EIF4G3: variants seen among roughly 807,000 people sequenced by gnomAD.
EIF4G3 encodes the protein eukaryotic translation initiation factor 4 gamma 3.
Under a neutral mutation model 186.4 loss-of-function variants are expected in EIF4G3, and 34 were observed. The ratio of observed to expected loss-of-function variants is 0.18; its 90% CI spans 0.14 to 0.24. EIF4G3 has a LOEUF of 0.24. EIF4G3 is among the 10% of genes least tolerant of loss of function. EIF4G3 has a pLI of 1.00. For synonymous variants in EIF4G3, 673 were observed against 679.5 expected (o/e 0.99, Z 0.15); for missense variants, 1,536 against 1,948.5 (o/e 0.79, Z 3.99).
At chr1:21,033,660 A>G (rs2092933656) in intron 4 of EIF4G3, among the ~76,000 whole-genome samples, 2 of 152,330 alleles carry the variant, frequency 1.3e-5, no homozygotes, top group South Asian at 4.1e-4. Context: ...TGTTTTGAAA[A>G]CATACTTCAC....
chr1:21,125,775 C>T (rs924180697), intron 2 of EIF4G3, among the ~76,000 whole-genome samples: 103 of 6,490 alleles, frequency 0.016, no homozygotes, highest in Admixed American at 0.029. Context: ...TATATATACA[C>T]ACACACACAC....
At chr1:21,136,642 C>T (rs1318130089) in intron 2 of EIF4G3, among the ~76,000 whole-genome samples, 1 of 152,172 alleles carries the variant, frequency 6.6e-6, no homozygotes, top group Non-Finnish European at 1.5e-5. Flanking sequence ...CAAAGTTACC[C>T]ACACTTGTTA....
chr1:21,108,424 A>C (rs2096655795), intron 2 of EIF4G3, among the ~76,000 whole-genome samples: 1 of 152,104 alleles, frequency 6.6e-6, no homozygotes. Context: ...ATTACTAGAC[A>C]ATGGAGAAAG....
intron 34 of EIF4G3, among the ~76,000 whole-genome samples, chr1:20,814,774 TCCCC>T (rs1557738388): frequency 2.2e-4 from 4 of 18,426 alleles, no homozygotes; most frequent in South Asian, 2.7e-3. Flanking sequence ...CCCCTCCCCC[TCCCC>T]CTCCCCCTCT....
chr1:21,155,270 A>AG (rs2102862775), intron 2 of EIF4G3, among the ~76,000 whole-genome samples: 1 of 148,226 alleles, frequency 6.7e-6, no homozygotes, highest in African/African-American at 2.5e-5. Flanking sequence ...CTCAAAAAAA[A>AG]AAAAAAAAAA....
chr1:20,961,076 G>A (rs2096558388), intron 12 of EIF4G3, among the ~76,000 whole-genome samples: 2 of 152,068 alleles, frequency 1.3e-5, no homozygotes, highest in South Asian at 2.1e-4. Flanking sequence ...TGGTCTGTGT[G>A]CAAATTCCTT....
chr1:21,016,616 G>A (rs758490887), intron 4 of EIF4G3, among the ~76,000 whole-genome samples: 10 of 151,992 alleles, frequency 6.6e-5, no homozygotes, highest in East Asian at 1.9e-4. Flanking sequence ...CCATGATCGC[G>A]TCACTGCACT....
At chr1:20,888,967 T>C (rs542238849) in intron 18 of EIF4G3, among the ~76,000 whole-genome samples, 1 of 152,278 alleles carries the variant, frequency 6.6e-6, no homozygotes, top group South Asian at 2.1e-4. Context: ...CCTGGTTTCT[T>C]TCTTTGAAAG....
At chr1:20,839,319 T>G (rs973241540) in intron 30 of EIF4G3, among the ~76,000 whole-genome samples, 2 of 151,852 alleles carry the variant, frequency 1.3e-5, no homozygotes, top group African/African-American at 4.8e-5. Context: ...CACCACGTTG[T>G]TCAGGCTGGT....
At chr1:20,871,604 G>A (rs1282987827) in intron 20 of EIF4G3, among the ~76,000 whole-genome samples, 2 of 152,202 alleles carry the variant, frequency 1.3e-5, no homozygotes, top group African/African-American at 4.8e-5. Flanking sequence ...CTGTGGTCTA[G>A]AGGTTTGGAA....
At chr1:21,096,802 G>A (rs764447889) in intron 2 of EIF4G3, among the ~76,000 whole-genome samples, 1 of 152,050 alleles carries the variant, frequency 6.6e-6, no homozygotes, top group Non-Finnish European at 1.5e-5. Context: ...AGTTTTTATG[G>A]GTATAACTAT....
chr1:20,816,474 C>A (rs1343338821), intron 34 of EIF4G3, among the ~76,000 whole-genome samples: 2 of 112,212 alleles, frequency 1.8e-5, no homozygotes, highest in Admixed American at 1.6e-4. Flanking sequence ...CGGCCAGTCG[C>A]CCCGTCCGGG....
chr1:20,963,515 C>T (rs530505064), intron 12 of EIF4G3, among the ~76,000 whole-genome samples: 12 of 152,264 alleles, frequency 7.9e-5, no homozygotes, highest in African/African-American at 2.6e-4. Flanking sequence ...GATACGCTAT[C>T]AATCCATAAT....
chr1:20,817,477 A>T lies in EIF4G3; in HGVS notation c.4430T>A (p.Leu1477Gln), dbSNP rs1289104248. Residue 1477 changes from leucine to glutamine, a missense_variant, in exon 34 of 37, where the codon CTG (leucine) becomes CAG (glutamine). Physicochemically the swap from Leu to Gln is moderately radical, Grantham distance 113. This residue lies in a region of EIF4G3 where 395 missense variants were observed against 498.9 expected (regional missense o/e 0.79). Transcript: ENST00000602326. The part of the protein sequence containing the change: ...CSSEALSKKE[L>Q]SAEELYKRLE... ...TCGCTTATACAGCTCTTCGGCAGAC[A>T]GTTCTTTCTTTGAAAGTGCTTCAGA... 3.1e-6 allele frequency: 5 copies of T among 1,608,702 alleles called. No homozygotes were observed. In the East Asian group the frequency reaches 1.1e-4, roughly 36 times the overall value.
intron 4 of EIF4G3, among the ~76,000 whole-genome samples, chr1:21,032,788 A>C (rs1341172582): frequency 2.0e-5 from 3 of 152,210 alleles, no homozygotes; most frequent in African/African-American, 7.2e-5. Context: ...TTTAAAAAAA[A>C]CGGAGTGAAA....
At chr1:21,045,531 T>C (rs2093832380) in intron 4 of EIF4G3, among the ~76,000 whole-genome samples, 4 of 152,190 alleles carry the variant, frequency 2.6e-5, no homozygotes. Context: ...CTCACTTCTT[T>C]GGCATCATTT....
At chr1:20,864,121 C>T (rs950974703) in intron 22 of EIF4G3, among the ~76,000 whole-genome samples, 11 of 152,112 alleles carry the variant, frequency 7.2e-5, no homozygotes, top group African/African-American at 2.7e-4. Flanking sequence ...AGAGTATAAA[C>T]TCTAGAAGCA....
At chr1:21,107,544 T>C (rs2096639138) in intron 2 of EIF4G3, among the ~76,000 whole-genome samples, 2 of 152,226 alleles carry the variant, frequency 1.3e-5, no homozygotes, top group African/African-American at 4.8e-5. Flanking sequence ...AGATGAGTTC[T>C]GAGGTTCCAG....
chr1:20,807,755 GTTTTTTTTTTTTT>G (rs67864326), intron 36 of EIF4G3, among the ~76,000 whole-genome samples: 3 of 63,880 alleles, frequency 4.7e-5, no homozygotes, highest in East Asian at 5.9e-4. Context: ...CTTTTTTTCT[GTTTTTTTTTTTTT>G]TTTTTTTTTT....
Sources: gnomAD v4.1 joint callset for allele counts (sites outside exome capture counted in the v4.1 genomes callset) on GRCh38, gnomAD v4.1.1 for gene constraint, gnomAD v4.1.1 regional missense constraint, MANE v1.5 for transcripts, NCBI Gene and HGNC (gene_info 2026-07-23, HGNC 2026-07-21) for gene names.